Variants in NALF1 observed in about 807,000 individuals in gnomAD.
NALF1 encodes the protein family with sequence similarity 155 member A.
NALF1 carries 3 observed loss-of-function variants against 48.4 expected under a neutral mutation model. The observed-to-expected ratio is 0.06, with a 90% CI of 0.03 to 0.16. NALF1 has a LOEUF of 0.16. Ranked by LOEUF, NALF1 falls within the 10% of genes least tolerant of loss-of-function variation. The probability of loss-of-function intolerance (pLI) is 1.00; values close to 1 mark genes in which losing one functional copy is unlikely to be tolerated. For synonymous variants in NALF1, 262 were observed against 245.7 expected, an observed-to-expected ratio of 1.07 and a Z score of -0.62; for missense variants, 526 against 571.5, an observed-to-expected ratio of 0.92 and a Z score of 0.81.
At chr13:107,562,321 G>C (rs913865532) in intron 1 of NALF1, among the ~76,000 whole-genome samples, 12 of 152,130 alleles carry the variant, frequency 7.9e-5, no homozygotes, top group Non-Finnish European at 5.9e-5. Flanking sequence ...TAAGAGAAAC[G>C]ACAGTCAAAG....
chr13:107,777,905 G>A (rs1050552997), intron 1 of NALF1, among the ~76,000 whole-genome samples: 5 of 152,132 alleles, frequency 3.3e-5, no homozygotes, highest in Admixed American at 1.3e-4. Flanking sequence ...TAACAAAAGG[G>A]AAACATATTT....
At chr13:107,333,664 C>T (rs1170161503) in intron 1 of NALF1, among the ~76,000 whole-genome samples, 1 of 152,190 alleles carries the variant, frequency 6.6e-6, no homozygotes, top group Non-Finnish European at 1.5e-5. Flanking sequence ...TGGAAAAAGA[C>T]CAAATACTCA....
At chr13:107,844,236 T>C (rs189417145) in intron 1 of NALF1, among the ~76,000 whole-genome samples, 2,917 of 129,624 alleles carry the variant, frequency 0.023, 51 homozygotes, top group Middle Eastern at 0.055. Flanking sequence ...ACAAATAAAA[T>C]ACAGATAAGA....
intron 1 of NALF1, among the ~76,000 whole-genome samples, chr13:107,842,867 G>T (rs981763237): frequency 6.6e-6 from 1 of 152,096 alleles, no homozygotes; most frequent in Admixed American, 6.6e-5. Context: ...GACATCTGCC[G>T]GTGTGATATT....
chr13:107,385,481 A>T (rs1272511138), intron 1 of NALF1, among the ~76,000 whole-genome samples: 2 of 143,078 alleles, frequency 1.4e-5, no homozygotes. Flanking sequence ...TGAACCCAGG[A>T]GGTGGAGGTT....
At chr13:107,665,535 T>C (rs948327119) in intron 1 of NALF1, among the ~76,000 whole-genome samples, 1 of 152,202 alleles carries the variant, frequency 6.6e-6, no homozygotes, top group Non-Finnish European at 1.5e-5. Flanking sequence ...TAGTATTTCA[T>C]GGCATGGTAA....
chr13:107,426,392 G>C (rs1024975294), intron 1 of NALF1, among the ~76,000 whole-genome samples: 2 of 152,072 alleles, frequency 1.3e-5, no homozygotes, highest in African/African-American at 4.8e-5. Context: ...AATAAATATG[G>C]TATAAAAAAG....
chr13:107,450,700 G>C (rs1354880044), intron 1 of NALF1, among the ~76,000 whole-genome samples: 1 of 152,166 alleles, frequency 6.6e-6, no homozygotes, highest in Non-Finnish European at 1.5e-5. Context: ...GCCGGAACTG[G>C]TTTAAAATGG....
intron 1 of NALF1, among the ~76,000 whole-genome samples, chr13:107,801,876 G>C (rs1199501534): frequency 6.6e-6 from 1 of 152,132 alleles, no homozygotes; most frequent in Non-Finnish European, 1.5e-5. Context: ...TGCACCGGTT[G>C]AATGAAATGA....
chr13:107,708,794 G>A (rs377181879), intron 1 of NALF1, among the ~76,000 whole-genome samples: 4 of 151,870 alleles, frequency 2.6e-5, no homozygotes, highest in Admixed American at 1.3e-4. Context: ...ATAGGTAAAC[G>A]TGTGCCATGG....
intron 1 of NALF1, among the ~76,000 whole-genome samples, chr13:107,288,099 G>C (rs551058879): frequency 2.6e-5 from 4 of 151,736 alleles, no homozygotes; most frequent in African/African-American, 9.7e-5. Flanking sequence ...AAAATTTCCT[G>C]CTATAACAAA....
chr13:107,747,847 AC>A (rs1000150677), intron 1 of NALF1, among the ~76,000 whole-genome samples: 2 of 152,184 alleles, frequency 1.3e-5, no homozygotes, highest in African/African-American at 4.8e-5. Context: ...GCACATGCAC[AC>A]GCACAACTTA....
intron 1 of NALF1, among the ~76,000 whole-genome samples, chr13:107,258,114 T>G (rs927016239): frequency 6.6e-6 from 1 of 152,212 alleles, no homozygotes; most frequent in Non-Finnish European, 1.5e-5. Context: ...GGAAACAATG[T>G]ACCCTCTCAT....
intron 1 of NALF1, among the ~76,000 whole-genome samples, chr13:107,816,461 C>T (rs1239296528): frequency 6.6e-6 from 1 of 152,054 alleles, no homozygotes; most frequent in Non-Finnish European, 1.5e-5. Flanking sequence ...GCAGAAACCC[C>T]TTATAAAACC....
chr13:107,252,590 C>A (rs1880725465), intron 1 of NALF1, among the ~76,000 whole-genome samples: 1 of 152,022 alleles, frequency 6.6e-6, no homozygotes, highest in Admixed American at 6.5e-5. Context: ...AGCCTCACCT[C>A]CACAGGTGCA....
chr13:107,306,322 G>A (rs906508972), intron 1 of NALF1, among the ~76,000 whole-genome samples: 3 of 151,964 alleles, frequency 2.0e-5, no homozygotes, highest in African/African-American at 4.8e-5. Flanking sequence ...TCCCATCTGC[G>A]GCTGATGGGA....
intron 1 of NALF1, among the ~76,000 whole-genome samples, chr13:107,638,242 T>C (rs1012484375): frequency 7.1e-6 from 1 of 141,560 alleles, no homozygotes. Flanking sequence ...TTATTTAAGA[T>C]GAACATTGGC....
At chr13:107,229,271 T>C (rs1411211209) in intron 1 of NALF1, among the ~76,000 whole-genome samples, 1 of 152,122 alleles carries the variant, frequency 6.6e-6, no homozygotes, top group Non-Finnish European at 1.5e-5. Flanking sequence ...AAATACATGT[T>C]CATCTACAAT....
At position 107,809,549 on chromosome 13, in the gene NALF1, G is replaced by T. The variant is rs1878921572; in HGVS notation, c.915+56133C>A. On this transcript the variant is annotated intron_variant, in intron 1 of 2. Coordinates refer to ENST00000375915, the MANE Select transcript of NALF1 (RefSeq NM_001080396.3). ...CTGACGCACCCACTGTTCACATAGGGTGTGCTTCCTTTTCTGCACAGCAAA... is the reference window on the plus strand; with the variant it reads ...CTGACGCACCCACTGTTCACATAGGTTGTGCTTCCTTTTCTGCACAGCAAA... 2.6e-5 allele frequency among the ~76,000 whole-genome samples: 4 copies of T among 152,168 alleles called. 1 individual carries two copies. The highest frequency in any genetic ancestry group is 3.4e-3 in the Middle Eastern group (1 of 294).
Sources: gnomAD v4.1 joint callset for allele counts (sites outside exome capture counted in the v4.1 genomes callset) on GRCh38, gnomAD v4.1.1 for gene constraint, MANE v1.5 for transcripts, NCBI Gene and HGNC (gene_info 2026-07-23, HGNC 2026-07-21) for gene names.